The following LOXHD1 variants were observed in gnomAD, a reference collection of about 807,000 sequenced individuals.
The protein encoded by LOXHD1 is lipoxygenase homology PLAT domains 1, also known as lipoxygenase homology domain-containing protein 1.
In LOXHD1, 205 loss-of-function variants were observed where a neutral mutation model predicts 248.2. The observed-to-expected ratio is 0.83, with a 90% confidence interval of 0.74 to 0.93. LOXHD1 has a LOEUF of 0.93. LOXHD1 is among the 40% of genes least tolerant of loss of function. The pLI is 0.00. For missense variants in LOXHD1, 2,930 were observed against 2,971.6 expected, an observed-to-expected ratio of 0.99 and a Z score of 0.33; for synonymous variants, 1,113 against 1,162.8, an observed-to-expected ratio of 0.96 and a Z score of 0.87.
intron 37 of LOXHD1, among the ~76,000 whole-genome samples, chr18:46,501,653 G>A (rs963538844): frequency 1.3e-5 from 2 of 152,198 alleles, no homozygotes; most frequent in African/African-American, 4.8e-5. Context: ...TGAAAATGTT[G>A]TAACCAGAGG....
chr18:46,638,882 C>T (rs1246157043), intron 4 of LOXHD1, among the ~76,000 whole-genome samples: 4 of 152,118 alleles, frequency 2.6e-5, no homozygotes, highest in African/African-American at 9.7e-5. Context: ...TGTAGGAAGC[C>T]ACTTCTCATC....
In LOXHD1 at chr18:46,603,600, C is replaced by G. The variant is rs372872962; in HGVS notation, c.883+506G>C. ...ACAGGTTAGGGCTTTAGGAAGCAGA[C>G]CAAATCCTGAATCTATCACTTGCCA... On this transcript the variant is annotated intron_variant, in intron 7 of 40. Transcript: ENST00000642948. Among the ~76,000 whole-genome samples the G allele has an allele frequency of 1.2e-4, 19 of 152,234 alleles. No individual in the cohort carries two copies. In the East Asian group the frequency reaches 1.4e-3, roughly 11 times the overall value.
In LOXHD1 at chr18:46,560,250, G is replaced by A. The variant is rs2037490460; in HGVS notation, c.2894C>T (p.Ser965Leu). The A allele has an allele frequency of 1.3e-6, 2 of 1,551,752 alleles. No individual in the cohort carries two copies. The highest frequency in any genetic ancestry group is 2.7e-5 in the African/African-American group (2 of 73,124). The change falls in exon 19 of 41, where the codon TCA (serine) becomes TTA (leucine). Residue 965 changes from serine to leucine, a missense_variant. Physicochemically the swap from Ser to Leu is moderately radical, Grantham distance 145. Coordinates refer to ENST00000642948, the MANE Select transcript of LOXHD1 (RefSeq NM_001384474.1). ...EESSSSEESS[S>L]EEEEMEEEEE... ...CTCTTCTTCCATCTCCTCCTCCTCT[G>A]ACGAGGACTCCTCTGATGAGGACGA...
At chr18:46,561,835 G>A (rs1158581984) in intron 18 of LOXHD1, among the ~76,000 whole-genome samples, 2 of 152,174 alleles carry the variant, frequency 1.3e-5, no homozygotes, top group African/African-American at 2.4e-5. Context: ...CACGGCATTA[G>A]CTCTCCTCTT....
chr18:46,562,202 C>A (rs1000784480), intron 18 of LOXHD1, among the ~76,000 whole-genome samples: 7 of 152,208 alleles, frequency 4.6e-5, no homozygotes, highest in Non-Finnish European at 8.8e-5. Flanking sequence ...GAGGCTCCTT[C>A]CAGCTCTGAT....
At chr18:46,637,630 A>C (rs1186426288) in intron 4 of LOXHD1, among the ~76,000 whole-genome samples, 1 of 152,214 alleles carries the variant, frequency 6.6e-6, no homozygotes, top group Admixed American at 6.5e-5. Flanking sequence ...ACTCACACAC[A>C]AACACACACA....
intron 12 of LOXHD1, among the ~76,000 whole-genome samples, chr18:46,584,455 T>C (rs1025507556): frequency 3.3e-5 from 5 of 152,160 alleles, no homozygotes; most frequent in African/African-American, 1.2e-4. Context: ...GATTGGATCA[T>C]GATACAACAT....
intron 36 of LOXHD1, among the ~76,000 whole-genome samples, chr18:46,507,300 A>C (rs1480407901): frequency 6.6e-6 from 1 of 152,194 alleles, no homozygotes; most frequent in Non-Finnish European, 1.5e-5. Flanking sequence ...AGTGCTGACC[A>C]TACTCCCCAG....
intron 37 of LOXHD1, among the ~76,000 whole-genome samples, chr18:46,504,105 T>C (rs1019410846): frequency 6.6e-6 from 1 of 152,072 alleles, no homozygotes; most frequent in African/African-American, 2.4e-5. Flanking sequence ...TATTTGTTTG[T>C]TTTTGACTGT....
chr18:46,494,839 T>C (rs9807497), intron 37 of LOXHD1, among the ~76,000 whole-genome samples: 38,496 of 126,300 alleles, frequency 0.3, 7,131 homozygotes, highest in East Asian at 0.63. Flanking sequence ...TTTCTCCTTT[T>C]TCTCTCTCTC....
intron 19 of LOXHD1, 124 bp downstream of exon 19, chr18:46,559,958 TG>T: frequency 9.9e-7 from 1 of 1,006,204 alleles, no homozygotes. Flanking sequence ...TTGGGAACCA[TG>T]ATGGGTGCCC....
chr18:46,587,993 A>AG (rs2038093793), intron 12 of LOXHD1, among the ~76,000 whole-genome samples: 1 of 152,166 alleles, frequency 6.6e-6, no homozygotes, highest in Non-Finnish European at 1.5e-5. Context: ...TCAAACTCAG[A>AG]GAAATTATTT....
intron 8 of LOXHD1, among the ~76,000 whole-genome samples, chr18:46,595,842 T>C (rs1306767920): frequency 6.6e-6 from 1 of 152,246 alleles, no homozygotes; most frequent in African/African-American, 2.4e-5. Context: ...CGTTTACTCT[T>C]GAATTGTTCT....
At position 46,601,286 on chromosome 18, in the gene LOXHD1, A is replaced by G; in HGVS notation, c.1065T>C (p.Leu355=). Residue 355 remains leucine (L), a synonymous_variant, in exon 8 of 41, where the codon CTT becomes CTC. Coordinates refer to ENST00000642948, the MANE Select transcript of LOXHD1 (RefSeq NM_001384474.1). ...DIFHIELAVL[L]SPLSRVSVGH... Reference sequence around the variant, plus strand: ...CGACGGAGACCCGACTCAGGGGGCTAAGGAGGACAGCCAGCTCGATGTGGA... The same window carrying G: ...CGACGGAGACCCGACTCAGGGGGCTGAGGAGGACAGCCAGCTCGATGTGGA... The G allele has an allele frequency of 1.3e-6, 2 of 1,551,700 alleles. No homozygotes were observed. Among genetic ancestry groups the G allele is most frequent in the African/African-American group, 1.4e-5 (1 of 73,156 alleles).
intron 21 of LOXHD1, among the ~76,000 whole-genome samples, chr18:46,552,192 T>C (rs1454293288): frequency 1.3e-5 from 2 of 152,174 alleles, no homozygotes; most frequent in Non-Finnish European, 2.9e-5. Flanking sequence ...AGGTAATAAA[T>C]TGTATGTCAT....
At chr18:46,540,570 G>A in intron 25 of LOXHD1, among the ~76,000 whole-genome samples, 1 of 152,028 alleles carries the variant, frequency 6.6e-6, no homozygotes, top group Non-Finnish European at 1.5e-5. Context: ...AAGTTTCTGG[G>A]CAGGAACAGC....
At chr18:46,652,377 T>C (rs1446946690) in intron 1 of LOXHD1, among the ~76,000 whole-genome samples, 1 of 152,190 alleles carries the variant, frequency 6.6e-6, no homozygotes, top group Admixed American at 6.5e-5. Flanking sequence ...AAATTATACC[T>C]CATTGAAGTT....
At chr18:46,519,522 G>T (rs1179497470) in intron 33 of LOXHD1, among the ~76,000 whole-genome samples, 2 of 152,188 alleles carry the variant, frequency 1.3e-5, no homozygotes, top group Non-Finnish European at 2.9e-5. Context: ...CTGAGGGAAT[G>T]GATGAAGAGC....
In LOXHD1 at chr18:46,546,529, A is replaced by T. The variant is rs574333390; in HGVS notation, c.3514+366T>A. ...ACTCCATTCCATTCCACTCTACTCC[A>T]TTCCATTCCATTTCATTCCAACCCA... is the stretch of plus-strand genomic sequence containing the variant. On this transcript the variant is annotated intron_variant, in intron 22 of 40. Coordinates refer to ENST00000642948, the MANE Select transcript of LOXHD1 (RefSeq NM_001384474.1). Among the ~76,000 whole-genome samples, 200 of 151,930 alleles carry T rather than the reference A, an allele frequency of 1.3e-3. 1 individual carries two copies. The highest frequency in any genetic ancestry group is 4.7e-3 in the African/African-American group (196 of 41,414).
Sources: allele counts gnomAD v4.1 joint callset (sites outside exome capture counted in the v4.1 genomes callset), GRCh38; gene constraint gnomAD v4.1.1; transcripts MANE v1.5; gene names NCBI Gene and HGNC (gene_info 2026-07-23, HGNC 2026-07-21).